The following FAM107B variants were observed in gnomAD, a reference collection of about 807,000 sequenced individuals.
FAM107B encodes the protein protein FAM107B.
Under a neutral mutation model 31.5 loss-of-function variants are expected in FAM107B, and 21 were observed. That is an observed-to-expected ratio of 0.67 (90% confidence interval 0.47 to 0.96). The LOEUF (loss-of-function observed/expected upper bound fraction) is 0.96, where lower values mean the gene tolerates loss of function less well. FAM107B is among the 40% of genes least tolerant of loss of function. FAM107B has a pLI of 0.00. For synonymous variants in FAM107B, 157 were observed against 141.5 expected (o/e 1.11, Z -0.78); for missense variants, 452 against 377.1 (o/e 1.20, Z -1.64).
At chr10:14,640,985 C>T (rs1853613762) in intron 2 of FAM107B, among the ~76,000 whole-genome samples, 1 of 152,096 alleles carries the variant, frequency 6.6e-6, no homozygotes, top group Non-Finnish European at 1.5e-5. Flanking sequence ...GTTTCCACTC[C>T]AAATTGGCTT....
intron 1 of FAM107B, among the ~76,000 whole-genome samples, chr10:14,677,183 G>A (rs947966357): frequency 3.9e-5 from 6 of 152,040 alleles, no homozygotes; most frequent in African/African-American, 1.2e-4. Context: ...GGCCTTTCCA[G>A]GAACTCATCA....
chr10:14,690,508 C>T (rs1311545451), intron 1 of FAM107B, among the ~76,000 whole-genome samples: 1 of 152,082 alleles, frequency 6.6e-6, no homozygotes, highest in Non-Finnish European at 1.5e-5. Flanking sequence ...GGCTGGAGTG[C>T]AGTGGTGTGA....
At chr10:14,533,896 T>C (rs980991473) in intron 2 of FAM107B, among the ~76,000 whole-genome samples, 1 of 152,074 alleles carries the variant, frequency 6.6e-6, no homozygotes, top group Non-Finnish European at 1.5e-5. Flanking sequence ...TGTCTCCTAT[T>C]AGAGAGACAC....
intron 2 of FAM107B, among the ~76,000 whole-genome samples, chr10:14,621,141 C>T (rs893361739): frequency 2.6e-5 from 4 of 151,932 alleles, no homozygotes; most frequent in African/African-American, 9.7e-5. Context: ...GCAATAAAGA[C>T]CATTTTATTT....
Position 14,519,059 on chromosome 10 carries a change from G to A in FAM107B, c.*2131C>T, listed in dbSNP as rs1396043986. The A allele has an allele frequency of 1.3e-5, 2 of 152,278 alleles. No homozygotes were observed. The highest frequency in any genetic ancestry group is 1.5e-5 in the Non-Finnish European group (1 of 68,022). 9.4% of individuals were successfully genotyped at this position (152,278 alleles called of 1,614,324 possible). A position where few individuals can be genotyped will look rare whatever the true frequency, so the allele number is the denominator to read the frequency against. On this transcript the variant is annotated 3_prime_UTR_variant, in exon 5 of 5. Transcript: ENST00000181796. ...CGTTTAGCATAAGACACCACTTTAC[G>A]CTATTTACAAGTCTCCTTTTGGCCA...
intron 1 of FAM107B, among the ~76,000 whole-genome samples, chr10:14,745,596 T>C (rs1293220858): frequency 6.6e-6 from 1 of 152,210 alleles, no homozygotes; most frequent in Non-Finnish European, 1.5e-5. Context: ...TCGATTTCCA[T>C]GTAGTTGTGT....
chr10:14,729,733 A>G (rs1588737292), intron 1 of FAM107B, among the ~76,000 whole-genome samples: 1 of 152,190 alleles, frequency 6.6e-6, no homozygotes, highest in Non-Finnish European at 1.5e-5. Flanking sequence ...AAAGACACAT[A>G]CACACGTATG....
At chr10:14,604,759 CTCTG>C (rs1445167870) in intron 2 of FAM107B, among the ~76,000 whole-genome samples, 12 of 122,894 alleles carry the variant, frequency 9.8e-5, no homozygotes, top group Admixed American at 8.4e-4. Context: ...CCCTCTACCT[CTCTG>C]TCTCTCTCAC....
chr10:14,521,489 C>G (rs1422509467), intron 4 of FAM107B, among the ~76,000 whole-genome samples, 183 bp from the exon 5 acceptor site: 3 of 152,164 alleles, frequency 2.0e-5, no homozygotes, highest in Admixed American at 1.3e-4. Flanking sequence ...ACAGAAGCCA[C>G]TTGGCTGTCA....
At position 14,520,965 on chromosome 10, in the gene FAM107B, A is replaced by C; in HGVS notation, c.*225T>G. 1 of 467,082 alleles carries C rather than the reference A, an allele frequency of 2.1e-6. No homozygotes were observed. The highest frequency in any genetic ancestry group is 4.1e-5 in the Admixed American group (1 of 24,516). The allele number at this position is 467,082 out of a possible 1,614,324, so 28.9% of individuals were successfully genotyped here. On this transcript the variant is annotated 3_prime_UTR_variant, in exon 5 of 5. Transcript: ENST00000181796. ...TTAAGTCTCTGAACACAGGTCCATC[A>C]TTCCAACTTACGTGCGGGGCACTGC...
rs74425437 is a variant in FAM107B at position 14,738,085 on chromosome 10, G to C, written c.411+36168C>G. ...TCATTGGAATTTACTATATTTACAC[G>C]TACAAATGTACAGCAGCCAGGGAGG... is the stretch of plus-strand genomic sequence containing the variant. On this transcript the variant is annotated intron_variant, in intron 1 of 4. Transcript: ENST00000181796. Among the ~76,000 whole-genome samples, 3 of 151,998 alleles carry C rather than the reference G, an allele frequency of 2.0e-5. No individual in the cohort carries two copies. In the East Asian group the frequency reaches 5.8e-4, roughly 29 times the overall value.
At chr10:14,712,179 AT>A (rs1226549591) in intron 1 of FAM107B, among the ~76,000 whole-genome samples, 1 of 152,174 alleles carries the variant, frequency 6.6e-6, no homozygotes, top group Non-Finnish European at 1.5e-5. Flanking sequence ...AGGATATTCA[AT>A]TTTCCATGAT....
chr10:14,544,603 T>C (rs998341855), intron 2 of FAM107B, among the ~76,000 whole-genome samples: 1 of 152,234 alleles, frequency 6.6e-6, no homozygotes, highest in Admixed American at 6.5e-5. Context: ...TTGTTGGCAA[T>C]GTGTAGCAAA....
At chr10:14,597,416 A>G (rs1852223314) in intron 2 of FAM107B, among the ~76,000 whole-genome samples, 1 of 152,264 alleles carries the variant, frequency 6.6e-6, no homozygotes, top group Non-Finnish European at 1.5e-5. Context: ...CTTATACCAC[A>G]GTAATGACAG....
chr10:14,766,088 G>T (rs1234488927), intron 1 of FAM107B, among the ~76,000 whole-genome samples: 1 of 152,170 alleles, frequency 6.6e-6, no homozygotes, highest in African/African-American at 2.4e-5. Flanking sequence ...TCAATATATT[G>T]AATATCATTT....
At chr10:14,653,376 A>G (rs1184392600) in intron 2 of FAM107B, among the ~76,000 whole-genome samples, 10 of 152,238 alleles carry the variant, frequency 6.6e-5, no homozygotes, top group Admixed American at 6.5e-4. Flanking sequence ...GGTGCCAGGC[A>G]CACAGCCAGG....
chr10:14,520,439 C>T lies in FAM107B; in HGVS notation c.*751G>A, dbSNP rs1845522157. The T allele has an allele frequency of 6.6e-6, 1 of 152,224 alleles. No homozygotes were observed. Among genetic ancestry groups the T allele is most frequent in the East Asian group, 1.9e-4 (1 of 5,198 alleles). The allele number at this position is 152,224 out of a possible 1,614,324, so 9.4% of individuals were successfully genotyped here. A position where few individuals can be genotyped will look rare whatever the true frequency, so the allele number is the denominator to read the frequency against. On this transcript the variant is annotated 3_prime_UTR_variant, in exon 5 of 5. Coordinates refer to ENST00000181796, the MANE Select transcript of FAM107B (RefSeq NM_031453.4). Reference sequence around the variant, plus strand: ...ATCAGCAAGACATTTAAAAACAAAACTGAACAGAAACCCTCCTAGTAATCA... The same window carrying T: ...ATCAGCAAGACATTTAAAAACAAAATTGAACAGAAACCCTCCTAGTAATCA...
intron 2 of FAM107B, among the ~76,000 whole-genome samples, chr10:14,655,503 TC>T (rs1854025597): frequency 6.6e-6 from 1 of 152,218 alleles, no homozygotes; most frequent in Admixed American, 6.5e-5. Context: ...CACTGCAACC[TC>T]CGCCTCCCAG....
intron 1 of FAM107B, among the ~76,000 whole-genome samples, chr10:14,694,941 G>T (rs7081951): frequency 0.028 from 4,314 of 152,164 alleles, 187 homozygotes; most frequent in African/African-American, 0.093. Flanking sequence ...TTTTCCCAAT[G>T]TATAGGTTGC....
Sources: allele counts gnomAD v4.1 joint callset (sites outside exome capture counted in the v4.1 genomes callset), GRCh38; gene constraint gnomAD v4.1.1; transcripts MANE v1.5; gene names NCBI Gene and HGNC (gene_info 2026-07-23, HGNC 2026-07-21).